The following CYB561 variants were observed in gnomAD, a reference collection of about 807,000 sequenced individuals.
The protein encoded by CYB561 is transmembrane ascorbate-dependent reductase CYB561.
In CYB561, 11 loss-of-function variants were observed where a neutral mutation model predicts 25.3. That is an observed-to-expected ratio of 0.44 (90% CI 0.27 to 0.72). The LOEUF is 0.72. Ranked by LOEUF, CYB561 falls within the 30% of genes least tolerant of loss-of-function variation. The pLI is 0.18. For missense variants in CYB561, 295 were observed against 334.9 expected (o/e 0.88, Z 0.93); for synonymous variants, 165 against 158.8 (o/e 1.04, Z -0.29).
intron 1 of CYB561, among the ~76,000 whole-genome samples, chr17:63,438,690 G>C (rs1268894024): frequency 6.6e-6 from 1 of 152,308 alleles, no homozygotes; most frequent in African/African-American, 2.4e-5. Context: ...GGCTGTCCCA[G>C]GTGCTCGGCC....
rs2049267297 is a variant in CYB561, at chr17:63,434,272, A to C, written c.*130T>G. On this transcript the variant is annotated 3_prime_UTR_variant, in exon 6 of 6. Transcript: ENST00000360793. The stretch of plus-strand genomic sequence containing the variant: ...GACCTGACCCCAGAAAGCAGCACTC[A>C]AACAGATGCAGCTGCACCCACGCGC... 1.3e-5 allele frequency: 10 copies of C among 774,204 alleles called. No homozygotes were observed. The South Asian group carries it at 1.9e-4, about 14-fold the overall frequency. The allele number at this position is 774,204 out of a possible 1,614,324, so 48.0% of individuals were successfully genotyped here. A position where few individuals can be genotyped will look rare whatever the true frequency, so the allele number is the denominator to read the frequency against.
chr17:63,437,193 T>C (rs927278372), intron 2 of CYB561, 153 bp downstream of exon 2: 5 of 645,926 alleles, frequency 7.7e-6, no homozygotes, highest in African/African-American at 1.8e-5. Context: ...GGATTCCATC[T>C]CCCCAGGCTC....
At position 63,437,330 on chromosome 17, in the gene CYB561, G is replaced by A. The variant is rs374158538; in HGVS notation, c.202+16C>T. The A allele has an allele frequency of 1.1e-4, 172 of 1,599,074 alleles. 1 individual carries two copies. Among genetic ancestry groups the A allele is most frequent in the Non-Finnish European group, 1.4e-4 (166 of 1,167,406 alleles). ...CCCACAAGCCCGGGAAAAGAGGAGC[G>A]GCCCATGGGACTCACCATTTCCCTG... On this transcript the variant is annotated intron_variant, in intron 2 of 5. Coordinates refer to ENST00000360793, the MANE Select transcript of CYB561 (RefSeq NM_001915.4).
chr17:63,434,986 G>A lies in CYB561; in HGVS notation c.563+100C>T, dbSNP rs558703074. ...CTACAGCCACCAGTTGTGACGCCAC[G>A]AGAGGCGGCTCAGGAAGCCACAGCT... is the stretch of plus-strand genomic sequence containing the variant. On this transcript the variant is annotated intron_variant, in intron 5 of 5. Coordinates refer to ENST00000360793, the MANE Select transcript of CYB561 (RefSeq NM_001915.4). 3.9e-6 allele frequency: 5 copies of A among 1,295,276 alleles called. No homozygotes were observed. The South Asian group carries it at 4.4e-5, about 11-fold the overall frequency. The allele number at this position is 1,295,276 out of a possible 1,614,324, so 80.2% of individuals were successfully genotyped here.
At position 63,437,264 on chromosome 17, in the gene CYB561, G is replaced by A. The variant is rs1019467222; in HGVS notation, c.202+82C>T. On this transcript the variant is annotated intron_variant, in intron 2 of 5. Coordinates refer to ENST00000360793, the MANE Select transcript of CYB561 (RefSeq NM_001915.4). Reference sequence around the variant, plus strand: ...TAGATTTGTCCAACCAGAAGAGACCGCAGGGGTGACAAGACCCCTGCAAAC... The same window carrying A: ...TAGATTTGTCCAACCAGAAGAGACCACAGGGGTGACAAGACCCCTGCAAAC... The A allele has an allele frequency of 8.3e-6, 9 of 1,081,008 alleles. No homozygotes were observed. In the African/African-American group the frequency reaches 1.2e-4, roughly 15 times the overall value. 67.0% of individuals were successfully genotyped at this position (1,081,008 alleles called of 1,614,324 possible). A position where few individuals can be genotyped will look rare whatever the true frequency, so the allele number is the denominator to read the frequency against.
intron 3 of CYB561, 32 bp from the exon 4 acceptor site, chr17:63,435,823 G>A: frequency 6.2e-7 from 1 of 1,606,638 alleles, no homozygotes; most frequent in Admixed American, 1.7e-5. Context: ...TGAGGACAGG[G>A]TTGGATGTGG....
intron 1 of CYB561, 145 bp downstream of exon 1, chr17:63,446,100 G>C (rs1179384203): frequency 6.6e-6 from 1 of 152,280 alleles, no homozygotes; most frequent in Non-Finnish European, 1.5e-5. Context: ...CCGCAGTCCA[G>C]TGCGCGGCCG....
chr17:63,435,751 G>A lies in CYB561; in HGVS notation c.342C>T (p.Tyr114=), dbSNP rs371020865. Residue 114 remains tyrosine (Y), a synonymous_variant, in exon 4 of 6, where the codon TAC becomes TAT. Transcript: ENST00000360793. ...AVFDYHRKKG[Y]ADLYSLHSWC... ...AGCTGTGTAGGCTGTACAGGTCAGC[G>A]TAGCCCTTCTTCCTGTGGTAGTCGA... 59 of 1,614,122 alleles carry A rather than the reference G, an allele frequency of 3.7e-5. No individual in the cohort carries two copies. Among genetic ancestry groups the A allele is most frequent in the East Asian group, 4.5e-5 (2 of 44,906 alleles).
chr17:63,437,613 C>T, intron 1 of CYB561, 53 bp from the exon 2 acceptor site: 1 of 1,474,644 alleles, frequency 6.8e-7, no homozygotes, highest in Non-Finnish European at 9.2e-7. Flanking sequence ...CCGAGATGCG[C>T]ACAGCCCCCG....
Position 63,435,711 on chromosome 17 carries a change from C to T in CYB561, c.382G>A (p.Val128Ile). ...ACCTGCACAAAGTACAGGACAAAGA[C>T]AAGGATCCCGCACCAGCTGTGTAGG... ...YSLHSWCGIL[V>I]FVLYFVQWLV... is the part of the protein sequence containing the mutation. The change falls in exon 4 of 6, where the codon GTC (valine) becomes ATC (isoleucine). Residue 128 changes from valine (V) to isoleucine (I), a missense_variant. Physicochemically the swap from Val to Ile is conservative, Grantham distance 29. Coordinates refer to ENST00000360793, the MANE Select transcript of CYB561 (RefSeq NM_001915.4). 1 of 1,614,236 alleles carries T rather than the reference C, an allele frequency of 6.2e-7. No homozygotes were observed. Among genetic ancestry groups the T allele is most frequent in the Non-Finnish European group, 8.5e-7 (1 of 1,180,034 alleles).
rs188653875 is a variant in CYB561 at position 63,443,682 on chromosome 17, C to T, written c.-14+2563G>A. 2.9e-4 allele frequency among the ~76,000 whole-genome samples: 44 copies of T among 152,314 alleles called. 1 individual carries two copies. In the East Asian group the frequency reaches 6.9e-3, roughly 24 times the overall value. On this transcript the variant is annotated intron_variant, in intron 1 of 5. Transcript: ENST00000360793. ...TACCTCTGTCACCCAGGCTGGAATA[C>T]GATGGCATGATCATAGCTCACAGCA...
At position 63,435,207 on chromosome 17, in the gene CYB561, C is replaced by T; in HGVS notation, c.442G>A (p.Ala148Thr). 6.2e-7 allele frequency: 1 copy of T among 1,614,050 alleles called. No homozygotes were observed. The highest frequency in any genetic ancestry group is 8.5e-7 in the Non-Finnish European group (1 of 1,180,008). Residue 148 changes from alanine to threonine, a missense_variant, in exon 5 of 6, where the codon GCT (alanine) becomes ACT (threonine). Ala to Thr is a moderately conservative substitution (Grantham distance 58). Transcript: ENST00000360793. ...TAGCGGCTCCGCAGGGAGAATGAAG[C>T]TCCGGGGAACAGGAAGAAGCTGAAG... ...VGFSFFLFPG[A>T]SFSLRSRYRP...
In CYB561 at chr17:63,436,322, A is replaced by G. The variant is rs921348667; in HGVS notation, c.203-170T>C. Among the ~76,000 whole-genome samples the G allele has an allele frequency of 6.6e-6, 1 of 152,090 alleles. No homozygotes were observed. The highest frequency in any genetic ancestry group is 2.4e-5 in the African/African-American group (1 of 41,374). The stretch of plus-strand genomic sequence containing the variant: ...GCCAGGTTCCCTGGGGACCCTGGGC[A>G]GCTCCTGGCCTTCTCTGAGGGCACC... On this transcript the variant is annotated intron_variant, in intron 2 of 5. Transcript: ENST00000360793. The surrounding 1 kb of genome is among the most constrained non-coding windows in gnomAD (Gnocchi z 4.8).
In CYB561 at chr17:63,435,294, C is replaced by T. The variant is rs764663202; in HGVS notation, c.406-51G>A. Reference sequence around the variant, plus strand: ...GGGACAGGGCGGCCGGACACCCCAGCAGCCGAGGTCGGCCAGGCCCACACC... The same window carrying T: ...GGGACAGGGCGGCCGGACACCCCAGTAGCCGAGGTCGGCCAGGCCCACACC... On this transcript the variant is annotated intron_variant, in intron 4 of 5. Coordinates refer to ENST00000360793, the MANE Select transcript of CYB561 (RefSeq NM_001915.4). 1.3e-5 allele frequency: 21 copies of T among 1,588,748 alleles called. No individual in the cohort carries two copies. In the Admixed American group the frequency reaches 3.6e-4, roughly 28 times the overall value.
chr17:63,442,208 A>G (rs1414937576), intron 1 of CYB561, among the ~76,000 whole-genome samples: 1 of 152,210 alleles, frequency 6.6e-6, no homozygotes, highest in African/African-American at 2.4e-5. Context: ...TTTACAGGAG[A>G]TAAGCGGAAG....
chr17:63,438,185 AG>A (rs1320865071), intron 1 of CYB561: 1 of 1,535,382 alleles, frequency 6.5e-7, no homozygotes, highest in Non-Finnish European at 8.7e-7. Flanking sequence ...CCCAAATTCT[AG>A]TGAGCTCAAG....
rs2049251840 is a variant in CYB561 at position 63,433,241 on chromosome 17, G to A, written c.*1161C>T. ...GTAGAGACGGGGTTTCACTGTGTTT[G>A]TTAGTCAGGATGGTCTTGATCTCCT... On this transcript the variant is annotated 3_prime_UTR_variant, in exon 6 of 6. Coordinates refer to ENST00000360793, the MANE Select transcript of CYB561 (RefSeq NM_001915.4). The A allele has an allele frequency of 7.6e-6, 3 of 395,792 alleles. No individual in the cohort carries two copies. The highest frequency in any genetic ancestry group is 8.9e-6 in the Non-Finnish European group (2 of 224,422). 24.5% of individuals were successfully genotyped at this position (395,792 alleles called of 1,614,324 possible).
intron 5 of CYB561, among the ~76,000 whole-genome samples, chr17:63,434,851 C>T (rs1028841208): frequency 1.2e-4 from 18 of 152,236 alleles, no homozygotes; most frequent in African/African-American, 4.1e-4. Flanking sequence ...GATCCTGCTG[C>T]GTGGTGGGAA....
chr17:63,436,023 G>A lies in CYB561; in HGVS notation c.301+31C>T, dbSNP rs1028252079. ...TTGCCATACCTGAAGAGGCAGGCAG[G>A]TGGCGGGGAAGGCCGCGCCCGGGAA... On this transcript the variant is annotated intron_variant, in intron 3 of 5. Coordinates refer to ENST00000360793, the MANE Select transcript of CYB561 (RefSeq NM_001915.4). The surrounding 1 kb of genome is among the most constrained non-coding windows in gnomAD (Gnocchi z 4.8). 6.2e-7 allele frequency: 1 copy of A among 1,613,780 alleles called. No homozygotes were observed.
Sources: gnomAD v4.1 joint callset for allele counts (sites outside exome capture counted in the v4.1 genomes callset) on GRCh38, gnomAD v4.1.1 for gene constraint, Gnocchi (gnomAD v3.1) non-coding constraint, MANE v1.5 for transcripts, NCBI Gene and HGNC (gene_info 2026-07-23, HGNC 2026-07-21) for gene names.